PDE4D: variants seen among roughly 807,000 people sequenced by gnomAD.
PDE4D encodes 3',5'-cyclic-AMP phosphodiesterase 4D.
A neutral mutation model predicts 87.4 loss-of-function variants in PDE4D; 24 were observed. That is an observed-to-expected ratio of 0.27 (90% CI 0.20 to 0.39). The LOEUF (loss-of-function observed/expected upper bound fraction) is 0.39, where lower values mean the gene tolerates loss of function less well. Ranked by LOEUF, PDE4D falls within the 10% of genes least tolerant of loss-of-function variation. The pLI is 1.00. For synonymous variants in PDE4D, 384 were observed against 383.2 expected, an observed-to-expected ratio of 1.00 and a Z score of -0.02; for missense variants, 714 against 1,041.0, an observed-to-expected ratio of 0.69 and a Z score of 4.32.
chr5:60,081,112 A>G (rs4569833), intron 2 of PDE4D, among the ~76,000 whole-genome samples: 74,107 of 151,626 alleles, frequency 0.49, 18,572 homozygotes, highest in East Asian at 0.83. Context: ...TCTTGGTAGG[A>G]TGTATGTGTT....
chr5:60,010,271 C>T (rs959582213), intron 2 of PDE4D, among the ~76,000 whole-genome samples: 1 of 152,118 alleles, frequency 6.6e-6, no homozygotes, highest in African/African-American at 2.4e-5. Flanking sequence ...ATAGTGCCCA[C>T]CGCATGCAGT....
At chr5:60,420,569 T>C (rs1269518895) in intron 1 of PDE4D, among the ~76,000 whole-genome samples, 1 of 152,076 alleles carries the variant, frequency 6.6e-6, no homozygotes, top group Non-Finnish European at 1.5e-5. Context: ...GATAAAGAAA[T>C]AAGATCTCCA....
intron 1 of PDE4D, among the ~76,000 whole-genome samples, chr5:59,776,861 GAA>G (rs35590071): frequency 1.4e-5 from 2 of 139,470 alleles, no homozygotes; most frequent in African/African-American, 5.2e-5. Flanking sequence ...AATGTTTCAC[GAA>G]AAAAAAAAAA....
chr5:59,851,169 C>T (rs1183431293), intron 1 of PDE4D, among the ~76,000 whole-genome samples: 1 of 152,022 alleles, frequency 6.6e-6, no homozygotes, highest in African/African-American at 2.4e-5. Flanking sequence ...TGAGACCTGC[C>T]TGCAACAGCC....
At chr5:60,234,426 T>C (rs1307953662) in intron 1 of PDE4D, among the ~76,000 whole-genome samples, 1 of 151,830 alleles carries the variant, frequency 6.6e-6, no homozygotes, top group South Asian at 2.1e-4. Context: ...AGTTTTCTTG[T>C]AGATATATGG....
chr5:59,232,429 C>T (rs1755421591), intron 1 of PDE4D, among the ~76,000 whole-genome samples: 1 of 150,718 alleles, frequency 6.6e-6, no homozygotes, highest in African/African-American at 2.4e-5. Flanking sequence ...GTAAAAAGTA[C>T]TCAACATTAC....
chr5:59,855,176 C>G (rs1745253050), intron 1 of PDE4D, among the ~76,000 whole-genome samples: 1 of 152,046 alleles, frequency 6.6e-6, no homozygotes, highest in African/African-American at 2.4e-5. Flanking sequence ...CTTTCAGTAG[C>G]AAAGACAAAG....
At chr5:59,062,492 T>C (rs114325623) in intron 5 of PDE4D, among the ~76,000 whole-genome samples, 150 of 152,218 alleles carry the variant, frequency 9.9e-4, no homozygotes, top group African/African-American at 3.5e-3. Flanking sequence ...GGCAATCAGA[T>C]GTTTGAGACT....
chr5:60,185,652 T>G, exon 2 of PDE4D: 1 of 1,163,308 alleles, frequency 8.6e-7, no homozygotes, highest in Non-Finnish European at 1.2e-6. Context: ...GTCAATGATC[T>G]CACTGCACGT....
chr5:60,296,908 A>G (rs765634005), intron 1 of PDE4D, among the ~76,000 whole-genome samples: 1 of 152,094 alleles, frequency 6.6e-6, no homozygotes, highest in African/African-American at 2.4e-5. Flanking sequence ...ATATGGGCAC[A>G]GGGAGGGGAA....
At chr5:59,377,570 T>G (rs1784945857) in intron 1 of PDE4D, among the ~76,000 whole-genome samples, 1 of 152,166 alleles carries the variant, frequency 6.6e-6, no homozygotes, top group Admixed American at 6.5e-5. Flanking sequence ...AGAAAATTTT[T>G]GCAAACTATT....
intron 1 of PDE4D, among the ~76,000 whole-genome samples, chr5:59,673,264 T>C (rs1290984519): frequency 6.6e-6 from 1 of 152,202 alleles, no homozygotes; most frequent in Admixed American, 6.5e-5. Context: ...ATGTAAACTT[T>C]ACCACATTTG....
intron 2 of PDE4D, among the ~76,000 whole-genome samples, chr5:60,139,078 GT>G (rs1031124267): frequency 1.3e-5 from 2 of 151,354 alleles, no homozygotes; most frequent in African/African-American, 4.9e-5. Context: ...AGCTAGGATG[GT>G]TCTAAGATCC....
chr5:59,172,563 G>A lies in PDE4D; in HGVS notation c.808+8032C>T, dbSNP rs1783183460. On this transcript the variant is annotated intron_variant, in intron 5 of 14. Coordinates refer to ENST00000340635, the MANE Select transcript of PDE4D (RefSeq NM_001104631.2). ...TACAAAAAATAAAATAAAAAATTAT[G>A]CACACGTGGTGGTGCATGCCTGTAG... Among the ~76,000 whole-genome samples the A allele has an allele frequency of 3.3e-5, 5 of 150,702 alleles. No individual in the cohort carries two copies. In the Admixed American group the frequency reaches 3.3e-4, roughly 10 times the overall value.
intron 3 of PDE4D, chr5:59,988,437 C>T: frequency 3.3e-6 from 4 of 1,225,308 alleles, no homozygotes; most frequent in Non-Finnish European, 4.6e-6. Context: ...CCACAGACAA[C>T]AATCACCATC....
chr5:60,501,955 T>C, intron 1 of PDE4D, among the ~76,000 whole-genome samples: 1 of 152,164 alleles, frequency 6.6e-6, no homozygotes, highest in Non-Finnish European at 1.5e-5. Context: ...TGTAGGTTGC[T>C]TGTTCACTCT....
Position 59,304,588 on chromosome 5 carries a change from G to A in PDE4D, c.456-88620C>T, listed in dbSNP as rs189706273. Among the ~76,000 whole-genome samples, 138 of 152,178 alleles carry A rather than the reference G, an allele frequency of 9.1e-4. 1 individual carries two copies. The highest frequency in any genetic ancestry group is 3.4e-3 in the Middle Eastern group (1 of 294). On this transcript the variant is annotated intron_variant, in intron 1 of 14. Coordinates refer to ENST00000340635, the MANE Select transcript of PDE4D (RefSeq NM_001104631.2). ...ATGTCCCTTGTATGCTGATTTTGCT[G>A]AGAGCTTTAATCATAAAGGGATGCT...
chr5:59,659,992 C>T (rs1280239235), intron 1 of PDE4D, among the ~76,000 whole-genome samples: 1 of 152,064 alleles, frequency 6.6e-6, no homozygotes, highest in Non-Finnish European at 1.5e-5. Flanking sequence ...TGAGACTCAC[C>T]TGGGCAACAT....
chr5:60,250,768 T>C (rs10471474), intron 1 of PDE4D, among the ~76,000 whole-genome samples: 54,551 of 151,744 alleles, frequency 0.36, 10,309 homozygotes, highest in Admixed American at 0.44. Flanking sequence ...CTTTTTATCA[T>C]TACTTTAGAG....
Sources: gnomAD v4.1 joint callset for allele counts (sites outside exome capture counted in the v4.1 genomes callset) on GRCh38, gnomAD v4.1.1 for gene constraint, MANE v1.5 for transcripts, NCBI Gene and HGNC (gene_info 2026-07-23, HGNC 2026-07-21) for gene names.